The following COBL variants were observed in gnomAD, a reference collection of about 807,000 sequenced individuals.
The protein encoded by COBL is protein cordon-bleu.
COBL carries 51 observed loss-of-function variants against 98.8 expected under a neutral mutation model. The ratio of observed to expected loss-of-function variants is 0.52; its 90% CI spans 0.41 to 0.65. The LOEUF is 0.65. Among genes scored for constraint, COBL ranks in the 30% least tolerant of loss-of-function variants. The pLI, the probability that COBL is intolerant of heterozygous loss-of-function variation, is 0.00. For missense variants in COBL, 1,617 were observed against 1,617.5 expected (o/e 1.00, Z 0.01); for synonymous variants, 634 against 651.7 (o/e 0.97, Z 0.41).
At chr7:51,140,135 A>G (rs1416466446) in intron 5 of COBL, among the ~76,000 whole-genome samples, 1 of 152,244 alleles carries the variant, frequency 6.6e-6, no homozygotes, top group Non-Finnish European at 1.5e-5. Context: ...CAGATAAATC[A>G]TTAAGAAAAA....
In COBL at chr7:51,022,821, GTCGGTGCAATTCAAAA is replaced by G. The variant is rs1787073615; in HGVS notation, c.3768+2272_3768+2287del. 5.9e-5 allele frequency: 9 copies of G among 152,312 alleles called. No individual in the cohort carries two copies. In the South Asian group the frequency reaches 1.7e-3, roughly 28 times the overall value. The allele number at this position is 152,312 out of a possible 1,614,324, so 9.4% of individuals were successfully genotyped here. A position where few individuals can be genotyped will look rare whatever the true frequency, so the allele number is the denominator to read the frequency against. On this transcript the variant is annotated intron_variant, in intron 12 of 12. Transcript: ENST00000265136. Reference sequence around the variant, plus strand: ...TGGTCATGGCCTTCACAGGATCCCAGTCGGTGCAATTCAAAATGCATGAAAGGCTCAAATGAGATAG... The same window carrying G: ...TGGTCATGGCCTTCACAGGATCCCAGTGCATGAAAGGCTCAAATGAGATAG...
At chr7:51,255,610 C>T (rs943417068) in intron 1 of COBL, among the ~76,000 whole-genome samples, 11 of 152,180 alleles carry the variant, frequency 7.2e-5, no homozygotes, top group African/African-American at 2.7e-4. Flanking sequence ...TGAGCATACT[C>T]TAGCAATGAC....
At chr7:51,278,303 G>A (rs1380508104) in intron 1 of COBL, among the ~76,000 whole-genome samples, 1 of 151,600 alleles carries the variant, frequency 6.6e-6, no homozygotes, top group Non-Finnish European at 1.5e-5. Flanking sequence ...GGTGGACAAG[G>A]CACCCTCATC....
intron 5 of COBL, among the ~76,000 whole-genome samples, chr7:51,138,663 C>A: frequency 6.6e-6 from 1 of 152,324 alleles, no homozygotes; most frequent in Non-Finnish European, 1.5e-5. Flanking sequence ...CACACACTCA[C>A]GCACATGTGC....
chr7:51,171,318 G>C (rs1383530628), intron 5 of COBL, among the ~76,000 whole-genome samples: 1 of 152,046 alleles, frequency 6.6e-6, no homozygotes, highest in Non-Finnish European at 1.5e-5. Flanking sequence ...ATCATCAAAG[G>C]ATCATTCAAG....
intron 1 of COBL, among the ~76,000 whole-genome samples, chr7:51,254,024 T>C (rs1348352294): frequency 2.0e-5 from 3 of 152,148 alleles, no homozygotes; most frequent in African/African-American, 7.2e-5. Context: ...CCTATTTTTA[T>C]GTTGGATACC....
At chr7:51,289,655 T>A (rs1030400634) in intron 1 of COBL, among the ~76,000 whole-genome samples, 2 of 152,234 alleles carry the variant, frequency 1.3e-5, no homozygotes, top group African/African-American at 2.4e-5. Context: ...GTGCTAACAA[T>A]GTCTGCAAAT....
At chr7:51,159,737 G>C (rs1786591418) in intron 5 of COBL, among the ~76,000 whole-genome samples, 1 of 151,746 alleles carries the variant, frequency 6.6e-6, no homozygotes, top group Non-Finnish European at 1.5e-5. Context: ...ATTAGGCCCT[G>C]TTTATCAACT....
At chr7:51,093,208 G>A (rs1794973477) in intron 6 of COBL, among the ~76,000 whole-genome samples, 1 of 152,110 alleles carries the variant, frequency 6.6e-6, no homozygotes, top group Non-Finnish European at 1.5e-5. Context: ...ATTAAAAAGT[G>A]GGCAAAGAAT....
At chr7:51,313,617 AG>A (rs1364773831) in intron 1 of COBL, among the ~76,000 whole-genome samples, 1 of 152,238 alleles carries the variant, frequency 6.6e-6, no homozygotes, top group African/African-American at 2.4e-5. Context: ...TGTATTCTAC[AG>A]AAACATGTCT....
intron 2 of COBL, among the ~76,000 whole-genome samples, chr7:51,204,400 C>T (rs1023689951): frequency 2.6e-5 from 4 of 152,214 alleles, no homozygotes; most frequent in South Asian, 2.1e-4. Context: ...ATAAAAGGCA[C>T]ATACATCAAA....
chr7:51,302,933 G>GT (rs1283638331), intron 1 of COBL, among the ~76,000 whole-genome samples: 2 of 152,190 alleles, frequency 1.3e-5, no homozygotes, highest in Admixed American at 1.3e-4. Flanking sequence ...TGGTGACTCA[G>GT]TTTTTGGCAT....
At position 51,016,515 on chromosome 7, in the gene COBL, C is replaced by G. The variant is rs1354332626; in HGVS notation, c.*1036G>C. 1 of 160,482 alleles carries G rather than the reference C, an allele frequency of 6.2e-6. No individual in the cohort carries two copies. Among genetic ancestry groups the G allele is most frequent in the Non-Finnish European group, 1.4e-5 (1 of 73,996 alleles). 9.9% of individuals were successfully genotyped at this position (160,482 alleles called of 1,614,324 possible). On this transcript the variant is annotated 3_prime_UTR_variant, in exon 13 of 13. Transcript: ENST00000265136. ...TGAAAAACTACTGCTGTAGTTAGACCTCATTATAAATATTGGTGACTGGGC... is the reference window on the plus strand; with the variant it reads ...TGAAAAACTACTGCTGTAGTTAGACGTCATTATAAATATTGGTGACTGGGC...
chr7:51,187,527 A>G (rs1789663378), intron 4 of COBL, among the ~76,000 whole-genome samples: 1 of 152,174 alleles, frequency 6.6e-6, no homozygotes, highest in African/African-American at 2.4e-5. Flanking sequence ...CAAATTCTGT[A>G]GCATGCAGGA....
chr7:51,311,034 C>A (rs1276400753), intron 1 of COBL, among the ~76,000 whole-genome samples: 1 of 151,938 alleles, frequency 6.6e-6, no homozygotes, highest in Non-Finnish European at 1.5e-5. Flanking sequence ...TTACAGGCAT[C>A]ACTTGGTGTG....
intron 1 of COBL, among the ~76,000 whole-genome samples, chr7:51,313,754 T>A (rs1206735848): frequency 6.6e-6 from 1 of 152,252 alleles, no homozygotes; most frequent in Non-Finnish European, 1.5e-5. Flanking sequence ...ACTACTGGGA[T>A]GGCTCCTATA....
At chr7:51,129,255 G>A (rs943600108) in intron 6 of COBL, among the ~76,000 whole-genome samples, 1 of 152,036 alleles carries the variant, frequency 6.6e-6, no homozygotes, top group Admixed American at 6.5e-5. Context: ...GGACAGACTT[G>A]TGTCTGGAGG....
At chr7:51,070,233 C>T (rs527972403) in intron 7 of COBL, among the ~76,000 whole-genome samples, 1 of 152,102 alleles carries the variant, frequency 6.6e-6, no homozygotes, top group East Asian at 1.9e-4. Context: ...ACAGATAACT[C>T]CTGAGCCTCA....
rs111342819 is a variant in COBL, at chr7:51,060,762, G to A, written c.1097-17070C>T. 2.6e-5 allele frequency among the ~76,000 whole-genome samples: 4 copies of A among 152,220 alleles called. 1 individual carries two copies. The highest frequency in any genetic ancestry group is 9.6e-5 in the African/African-American group (4 of 41,528). On this transcript the variant is annotated intron_variant, in intron 7 of 12. Coordinates refer to ENST00000265136, the MANE Select transcript of COBL (RefSeq NM_015198.5). ...AGAGAAACAAATTATTCCACCAGGG[G>A]GCACAACAATGATTCCACCGAACTG...
Sources: allele counts gnomAD v4.1 joint callset (sites outside exome capture counted in the v4.1 genomes callset), GRCh38; gene constraint gnomAD v4.1.1; transcripts MANE v1.5; gene names NCBI Gene and HGNC (gene_info 2026-07-23, HGNC 2026-07-21).